Variants in BICC1 observed in about 807,000 individuals in gnomAD.
BICC1 encodes protein bicaudal C homolog 1.
Under a neutral mutation model 111.0 loss-of-function variants are expected in BICC1, and 43 were observed. The observed-to-expected ratio is 0.39, with a 90% confidence interval of 0.30 to 0.50. The LOEUF (loss-of-function observed/expected upper bound fraction) is 0.50. Ranked by LOEUF, BICC1 falls within the 20% of genes least tolerant of loss-of-function variation. The probability of loss-of-function intolerance (pLI) is 0.88; values close to 1 mark genes in which losing one functional copy is unlikely to be tolerated. For missense variants in BICC1, 1,091 were observed against 1,203.2 expected (o/e 0.91, Z 1.38); for synonymous variants, 467 against 434.4 (o/e 1.07, Z -0.93).
chr10:58,800,390 A>C, intron 13 of BICC1, 64 bp downstream of exon 13: 1 of 1,492,384 alleles, frequency 6.7e-7, no homozygotes. Flanking sequence ...GGTTGTAGAG[A>C]GTCTATGCAG....
At chr10:58,602,325 G>C (rs1392302829) in intron 1 of BICC1, among the ~76,000 whole-genome samples, 1 of 152,110 alleles carries the variant, frequency 6.6e-6, no homozygotes, top group Non-Finnish European at 1.5e-5. Context: ...CATCATAAAT[G>C]TACGCACATA....
intron 2 of BICC1, among the ~76,000 whole-genome samples, chr10:58,652,401 C>T (rs1838478445): frequency 6.6e-6 from 1 of 152,032 alleles, no homozygotes; most frequent in Admixed American, 6.6e-5. Flanking sequence ...CAGTCTTTTG[C>T]TCGTAAATCT....
intron 1 of BICC1, among the ~76,000 whole-genome samples, chr10:58,563,820 G>A (rs528734830): frequency 7.2e-5 from 11 of 152,310 alleles, no homozygotes; most frequent in Admixed American, 4.6e-4. Flanking sequence ...TTAGCAATAT[G>A]ATGGGGTGAT....
At chr10:58,601,963 G>A (rs1845056574) in intron 1 of BICC1, among the ~76,000 whole-genome samples, 1 of 152,098 alleles carries the variant, frequency 6.6e-6, no homozygotes, top group Non-Finnish European at 1.5e-5. Flanking sequence ...CAGGATAGGT[G>A]TCTCAGCCAT....
At chr10:58,826,153 T>A (rs1589178897) in intron 20 of BICC1, among the ~76,000 whole-genome samples, 1 of 152,226 alleles carries the variant, frequency 6.6e-6, no homozygotes, top group African/African-American at 2.4e-5. Context: ...ACTTATTGAC[T>A]CCATGATTCA....
intron 2 of BICC1, among the ~76,000 whole-genome samples, chr10:58,674,758 T>A (rs1379727061): frequency 1.3e-5 from 2 of 152,034 alleles, no homozygotes; most frequent in African/African-American, 4.8e-5. Context: ...CAGGAGACAG[T>A]GGGACAAAAG....
chr10:58,708,860 A>G (rs1165008194), intron 3 of BICC1, among the ~76,000 whole-genome samples: 3 of 152,112 alleles, frequency 2.0e-5, no homozygotes, highest in African/African-American at 4.8e-5. Context: ...TTGCTTGTCT[A>G]TGTTTGCAGC....
chr10:58,642,288 G>C (rs954481996), intron 2 of BICC1, among the ~76,000 whole-genome samples: 1 of 152,140 alleles, frequency 6.6e-6, no homozygotes. Flanking sequence ...CCTGAGTTCC[G>C]AAAGAGGCTG....
At chr10:58,522,093 G>A (rs1055732129) in intron 1 of BICC1, among the ~76,000 whole-genome samples, 12 of 151,588 alleles carry the variant, frequency 7.9e-5, no homozygotes, top group African/African-American at 2.9e-4. Flanking sequence ...TTTATAACTG[G>A]TATGTTGTTT....
chr10:58,783,200 G>T (rs913624425), intron 3 of BICC1, among the ~76,000 whole-genome samples: 5 of 152,088 alleles, frequency 3.3e-5, no homozygotes, highest in Non-Finnish European at 7.4e-5. Context: ...CACCAGGAGA[G>T]GGTGGGGGCT....
intron 1 of BICC1, among the ~76,000 whole-genome samples, chr10:58,546,679 C>T (rs137908106): frequency 4.6e-5 from 7 of 152,204 alleles, no homozygotes; most frequent in African/African-American, 1.7e-4. Flanking sequence ...GTCCAAATGA[C>T]ACCCACAGTT....
rs1202556984 is a variant in BICC1 at position 58,769,400 on chromosome 10, G to GTATATATATATATA, written c.308-15600_308-15599insATATATATATATAT. Among the ~76,000 whole-genome samples the GTATATATATATATA allele has an allele frequency of 2.8e-3, 303 of 106,400 alleles. 2 individuals are homozygous for GTATATATATATATA. The highest frequency in any genetic ancestry group is 8.9e-3 in the Admixed American group (95 of 10,680). 69.8% of individuals were successfully genotyped at this position (106,400 alleles called of 152,430 possible). A position where few individuals can be genotyped will look rare whatever the true frequency, so the allele number is the denominator to read the frequency against. The stretch of plus-strand genomic sequence containing the variant: ...TATGTGTGTGTGTGTGTGTGTGTGT[G>GTATATATATATATA]TGTGTATATATATATATATATATAT... On this transcript the variant is annotated intron_variant, in intron 3 of 20. Coordinates refer to ENST00000373886, the MANE Select transcript of BICC1 (RefSeq NM_001080512.3).
intron 1 of BICC1, among the ~76,000 whole-genome samples, chr10:58,587,705 T>C (rs377274541): frequency 1.3e-5 from 2 of 152,200 alleles, no homozygotes; most frequent in East Asian, 1.9e-4. Flanking sequence ...TTCAAAGTTA[T>C]GGCATATGGA....
chr10:58,585,706 A>T (rs1370217821), intron 1 of BICC1, among the ~76,000 whole-genome samples: 1 of 152,182 alleles, frequency 6.6e-6, no homozygotes, highest in African/African-American at 2.4e-5. Flanking sequence ...TTTTTAGTGG[A>T]GTAATCAGAA....
intron 1 of BICC1, among the ~76,000 whole-genome samples, chr10:58,523,926 A>T (rs556669480): frequency 1.3e-5 from 2 of 151,848 alleles, no homozygotes; most frequent in African/African-American, 4.8e-5. Context: ...AAACAGCCAC[A>T]TCATGAGTGA....
chr10:58,539,274 A>C (rs1056579294), intron 1 of BICC1, among the ~76,000 whole-genome samples: 1 of 151,856 alleles, frequency 6.6e-6, no homozygotes, highest in African/African-American at 2.4e-5. Flanking sequence ...TTCTAAGTGA[A>C]GTAATTCTGG....
At chr10:58,675,253 G>A (rs1340397981) in intron 2 of BICC1, among the ~76,000 whole-genome samples, 3 of 152,132 alleles carry the variant, frequency 2.0e-5, no homozygotes, top group East Asian at 3.9e-4. Context: ...TTTGGAAGGA[G>A]TATCCAATAG....
At chr10:58,579,696 C>CT (rs998410793) in intron 1 of BICC1, among the ~76,000 whole-genome samples, 1 of 152,050 alleles carries the variant, frequency 6.6e-6, no homozygotes, top group African/African-American at 2.4e-5. Flanking sequence ...TTTTTCTCTC[C>CT]TACTGCTGAG....
chr10:58,829,858 G>A lies in BICC1; in HGVS notation c.*967G>A, dbSNP rs370280670. ...CATACAGTACATAATTGATGAAATT[G>A]ATATTTACTAGAGATTTATGGTAGA... is the stretch of plus-strand genomic sequence containing the variant. On this transcript the variant is annotated 3_prime_UTR_variant, in exon 21 of 21. Coordinates refer to ENST00000373886, the MANE Select transcript of BICC1 (RefSeq NM_001080512.3). 1 of 152,098 alleles carries A rather than the reference G, an allele frequency of 6.6e-6. No individual in the cohort carries two copies. The highest frequency in any genetic ancestry group is 2.1e-4 in the South Asian group (1 of 4,832). The allele number at this position is 152,098 out of a possible 1,614,324, so 9.4% of individuals were successfully genotyped here. A position where few individuals can be genotyped will look rare whatever the true frequency, so the allele number is the denominator to read the frequency against.
Sources: allele counts gnomAD v4.1 joint callset (sites outside exome capture counted in the v4.1 genomes callset), GRCh38; gene constraint gnomAD v4.1.1; transcripts MANE v1.5; gene names NCBI Gene and HGNC (gene_info 2026-07-23, HGNC 2026-07-21).